BDNF: variants seen among roughly 807,000 people sequenced by gnomAD.
The protein encoded by BDNF is neurotrophic factor BDNF precursor form.
In BDNF, 1 loss-of-function variant was observed where a neutral mutation model predicts 19.5. The observed-to-expected ratio is 0.05, with a 90% CI of 0.02 to 0.24. The LOEUF is 0.24. BDNF is among the 10% of genes least tolerant of loss of function. The pLI, the probability that BDNF is intolerant of heterozygous loss-of-function variation, is 1.00. For synonymous variants in BDNF, 100 were observed against 121.6 expected, an observed-to-expected ratio of 0.82 and a Z score of 1.17; for missense variants, 195 against 317.6, an observed-to-expected ratio of 0.61 and a Z score of 2.93.
intron 1 of BDNF, among the ~76,000 whole-genome samples, chr11:27,710,714 T>C (rs553567993): frequency 6.6e-6 from 1 of 152,328 alleles, no homozygotes; most frequent in East Asian, 1.9e-4. Context: ...GAGAGGGTGT[T>C]CCTCATCACA....
intron 1 of BDNF, among the ~76,000 whole-genome samples, chr11:27,661,543 G>T (rs1214221497): frequency 6.6e-6 from 1 of 152,022 alleles, no homozygotes; most frequent in East Asian, 1.9e-4. Flanking sequence ...ACAACGTCCC[G>T]ATGCTGTATC....
chr11:27,682,343 A>C (rs980302761), intron 1 of BDNF, among the ~76,000 whole-genome samples: 1 of 151,590 alleles, frequency 6.6e-6, no homozygotes, highest in Non-Finnish European at 1.5e-5. Flanking sequence ...CTGATGCTGA[A>C]TGTGTTTGAG....
intron 1 of BDNF, among the ~76,000 whole-genome samples, chr11:27,666,770 G>A (rs2133853810): frequency 6.6e-6 from 1 of 152,288 alleles, no homozygotes; most frequent in East Asian, 1.9e-4. Context: ...GGGACTATGT[G>A]AAAAGACCAA....
intron 1 of BDNF, among the ~76,000 whole-genome samples, chr11:27,665,694 C>T (rs1236276322): frequency 6.6e-6 from 1 of 152,214 alleles, no homozygotes; most frequent in Non-Finnish European, 1.5e-5. Flanking sequence ...TGAGATCGAA[C>T]TGCAAAGCAG....
At chr11:27,696,765 C>T (rs529836931) in intron 1 of BDNF, among the ~76,000 whole-genome samples, 2 of 152,178 alleles carry the variant, frequency 1.3e-5, no homozygotes, top group African/African-American at 4.8e-5. Context: ...GGCGAGACCC[C>T]TCACACAAAT....
chr11:27,721,340 G>C lies in BDNF; in HGVS notation c.3+72C>G. On this transcript the variant is annotated intron_variant, in intron 1 of 1. Coordinates refer to the BDNF transcript ENST00000314915. ...TTTGGCGTGTGAAGTGCTAGGAAGA[G>C]CCGTGATATGCCCGTTGTTAAGCAA... The C allele has an allele frequency of 2.6e-6, 4 of 1,551,960 alleles. No individual in the cohort carries two copies. In the South Asian group the frequency reaches 3.3e-5, roughly 13 times the overall value.
chr11:27,704,392 T>C (rs1480986593), upstream of BDNF, among the ~76,000 whole-genome samples: 1 of 152,208 alleles, frequency 6.6e-6, no homozygotes, highest in Non-Finnish European at 1.5e-5. Context: ...TAATCCTCAT[T>C]ACTCAAGTGA....
intron 1 of BDNF, among the ~76,000 whole-genome samples, chr11:27,710,398 C>G (rs1425019265): frequency 6.6e-6 from 1 of 152,158 alleles, no homozygotes; most frequent in Non-Finnish European, 1.5e-5. Context: ...CAGAATATAT[C>G]CCAGCTTAGT....
rs538873289 is a variant in BDNF at position 27,719,644 on chromosome 11, A to T, written c.3+1768T>A. The T allele has an allele frequency of 6.1e-6, 6 of 984,832 alleles. No homozygotes were observed. In the South Asian group the frequency reaches 2.4e-4, roughly 39 times the overall value. The allele number at this position is 984,832 out of a possible 1,614,324, so 61.0% of individuals were successfully genotyped here. A position where few individuals can be genotyped will look rare whatever the true frequency, so the allele number is the denominator to read the frequency against. ...GGGAGGGAGGACAGAAGGGAAAAAA[A>T]AAAGAAAACCCAGAAAGAAGCATCC... On this transcript the variant is annotated intron_variant, in intron 1 of 1. Transcript: ENST00000314915.
chr11:27,670,340 T>C (rs1256235914), intron 1 of BDNF, among the ~76,000 whole-genome samples: 7 of 152,180 alleles, frequency 4.6e-5, no homozygotes, highest in Admixed American at 4.6e-4. Flanking sequence ...ATTCAGGACA[T>C]AGGCATGGAC....
chr11:27,720,838 AG>A, intron 1 of BDNF: 5 of 930,336 alleles, frequency 5.4e-6, no homozygotes, highest in Non-Finnish European at 6.4e-6. Context: ...GCTTTGCCAA[AG>A]CCATCCTGTT....
chr11:27,656,470 G>A lies in BDNF; in HGVS notation c.*1351C>T. 1.1e-6 allele frequency: 1 copy of A among 897,790 alleles called. No homozygotes were observed. The highest frequency in any genetic ancestry group is 1.3e-6 in the Non-Finnish European group (1 of 749,912). The allele number at this position is 897,790 out of a possible 1,614,324, so 55.6% of individuals were successfully genotyped here. ...TGTCATTCCAGAGCCACCTCTGAAGGGTCCTTCAGAGGCCTTCGTTTTGGA... is the reference window on the plus strand; with the variant it reads ...TGTCATTCCAGAGCCACCTCTGAAGAGTCCTTCAGAGGCCTTCGTTTTGGA... On this transcript the variant is annotated 3_prime_UTR_variant, in exon 2 of 2. Coordinates refer to ENST00000356660, the MANE Select transcript of BDNF (RefSeq NM_001709.5).
chr11:27,699,773 C>T lies in BDNF; in HGVS notation c.-22+391G>A. 1.7e-6 allele frequency: 2 copies of T among 1,153,494 alleles called. 1 individual carries two copies. The allele number at this position is 1,153,494 out of a possible 1,614,324, so 71.5% of individuals were successfully genotyped here. ...CCCCCTGGAAGGATTCCTAGCCTAGCCCCAGCACCCTCCCCTCAGTCAGGA... is the reference window on the plus strand; with the variant it reads ...CCCCCTGGAAGGATTCCTAGCCTAGTCCCAGCACCCTCCCCTCAGTCAGGA... On this transcript the variant is annotated intron_variant, in intron 1 of 1. Coordinates refer to ENST00000356660, the MANE Select transcript of BDNF (RefSeq NM_001709.5).
chr11:27,662,337 G>A (rs1047034059), intron 1 of BDNF, among the ~76,000 whole-genome samples: 1 of 152,206 alleles, frequency 6.6e-6, no homozygotes, highest in Non-Finnish European at 1.5e-5. Flanking sequence ...AGAGAAAAAT[G>A]TAATAGCAGT....
At chr11:27,717,536 C>T (rs1458166030) in intron 1 of BDNF, among the ~76,000 whole-genome samples, 3 of 152,320 alleles carry the variant, frequency 2.0e-5, no homozygotes, top group Admixed American at 6.5e-5. Context: ...TACTGGTATA[C>T]TCCATTGGGG....
chr11:27,661,222 TCTAA>T (rs72298549), intron 1 of BDNF, among the ~76,000 whole-genome samples: 17,208 of 152,070 alleles, frequency 0.11, 2,435 homozygotes, highest in African/African-American at 0.3. Flanking sequence ...CTTCTGCAAT[TCTAA>T]CTAACTGTCT....
chr11:27,721,440 AAGTGTCTT>A, exon 1 of BDNF: 1 of 1,613,740 alleles, frequency 6.2e-7, no homozygotes, highest in Non-Finnish European at 8.5e-7. Flanking sequence ...CTGGAGACTC[AAGTGTCTT>A]AAAATCTCGT....
At chr11:27,715,560 T>G (rs1388987043) in intron 1 of BDNF, among the ~76,000 whole-genome samples, 1 of 152,222 alleles carries the variant, frequency 6.6e-6, no homozygotes, top group Non-Finnish European at 1.5e-5. Flanking sequence ...AAACTTTCCA[T>G]TAGGCCTGAA....
intron 1 of BDNF, among the ~76,000 whole-genome samples, chr11:27,693,397 T>G (rs1202128659): frequency 6.6e-6 from 1 of 150,448 alleles, no homozygotes; most frequent in Non-Finnish European, 1.5e-5. Context: ...CCTAAATTGA[T>G]TTTTTTGTAC....
Sources: gnomAD v4.1 joint callset for allele counts (sites outside exome capture counted in the v4.1 genomes callset) on GRCh38, gnomAD v4.1.1 for gene constraint, MANE v1.5 for transcripts, NCBI Gene and HGNC (gene_info 2026-07-23, HGNC 2026-07-21) for gene names.